The following MYH14 variants were observed in gnomAD, a reference collection of about 807,000 sequenced individuals.
MYH14 encodes the protein myosin heavy chain 14.
Under a neutral mutation model 255.5 loss-of-function variants are expected in MYH14, and 123 were observed. That is an observed-to-expected ratio of 0.48 (90% confidence interval 0.42 to 0.56). The LOEUF (loss-of-function observed/expected upper bound fraction) is 0.56. Among genes scored for constraint, MYH14 ranks in the 20% least tolerant of loss-of-function variants. The pLI, the probability that MYH14 is intolerant of heterozygous loss-of-function variation, is 0.00. For missense variants in MYH14, 2,423 were observed against 2,802.3 expected (o/e 0.86, Z 3.06); for synonymous variants, 1,095 against 1,161.2 (o/e 0.94, Z 1.16).
chr19:50,212,222 G>C (rs75885666), intron 2 of MYH14, among the ~76,000 whole-genome samples: 3 of 152,102 alleles, frequency 2.0e-5, no homozygotes, highest in African/African-American at 7.2e-5. Flanking sequence ...ACTTTCAGTC[G>C]AGCTCTCTGG....
intron 1 of MYH14, among the ~76,000 whole-genome samples, chr19:50,207,818 G>A (rs1354464200): frequency 6.6e-6 from 1 of 152,142 alleles, no homozygotes; most frequent in Non-Finnish European, 1.5e-5. Context: ...TGTACCTTTT[G>A]TCCCCTCTCT....
rs576753168 is a variant in MYH14, at chr19:50,303,387, G to A, written c.5678+1518G>A. 1.2e-4 allele frequency among the ~76,000 whole-genome samples: 19 copies of A among 152,248 alleles called. 1 individual carries two copies. The South Asian group carries it at 1.9e-3, about 15-fold the overall frequency. ...TCCTCCAGGAGGCTAGCCCAGGATTGTTCATATGACAGAGTCAAGGTTCTA... is the reference window on the plus strand; with the variant it reads ...TCCTCCAGGAGGCTAGCCCAGGATTATTCATATGACAGAGTCAAGGTTCTA... On this transcript the variant is annotated intron_variant, in intron 40 of 42. Coordinates refer to ENST00000642316, the MANE Select transcript of MYH14 (RefSeq NM_001145809.2).
chr19:50,216,198 G>A (rs111267497), intron 2 of MYH14, among the ~76,000 whole-genome samples: 30 of 152,212 alleles, frequency 2.0e-4, no homozygotes, highest in African/African-American at 7.0e-4. Flanking sequence ...CCTGAGGCCG[G>A]GTGTGAAGGT....
chr19:50,259,790 A>C (rs533992995), intron 19 of MYH14, among the ~76,000 whole-genome samples: 16 of 152,254 alleles, frequency 1.1e-4, no homozygotes, highest in Admixed American at 6.5e-4. Context: ...AGGCAGGAGA[A>C]TCACTTGAAC....
intron 1 of MYH14, among the ~76,000 whole-genome samples, chr19:50,207,221 C>T (rs2031813155): frequency 7.7e-6 from 1 of 130,610 alleles, no homozygotes; most frequent in African/African-American, 2.9e-5. Flanking sequence ...TAGAGCGAGA[C>T]CTATCTCTAA....
chr19:50,310,205 T>G lies in MYH14; in HGVS notation c.*415T>G. The G allele has an allele frequency of 7.7e-6, 2 of 259,558 alleles. No individual in the cohort carries two copies. The highest frequency in any genetic ancestry group is 1.5e-5 in the Non-Finnish European group (2 of 135,780). 16.1% of individuals were successfully genotyped at this position (259,558 alleles called of 1,614,324 possible). On this transcript the variant is annotated 3_prime_UTR_variant, in exon 43 of 43. Coordinates refer to ENST00000642316, the MANE Select transcript of MYH14 (RefSeq NM_001145809.2). ...TCTCTCTCTCTCTCCCTCCCTCTCC[T>G]TCCCTACCCTCTCACCATCTTTCTT... is the stretch of plus-strand genomic sequence containing the variant.
intron 11 of MYH14, among the ~76,000 whole-genome samples, chr19:50,245,127 A>G (rs2034051219): frequency 6.6e-6 from 1 of 152,140 alleles, no homozygotes; most frequent in South Asian, 2.1e-4. Context: ...ACAGAAAAGT[A>G]GAAAGGAAGA....
intron 36 of MYH14, 32 bp from the exon 37 acceptor site, chr19:50,292,229 C>T: frequency 1.9e-6 from 3 of 1,572,594 alleles, no homozygotes. Context: ...TGTGGCCAGG[C>T]TGAGCCCATC....
Position 50,276,635 on chromosome 19 carries a change from G to T in MYH14, c.3681-122G>T. The T allele has an allele frequency of 2.4e-6, 3 of 1,269,098 alleles. No individual in the cohort carries two copies. The highest frequency in any genetic ancestry group is 3.4e-6 in the Non-Finnish European group (3 of 888,100). The allele number at this position is 1,269,098 out of a possible 1,614,324, so 78.6% of individuals were successfully genotyped here. A position where few individuals can be genotyped will look rare whatever the true frequency, so the allele number is the denominator to read the frequency against. ...AGCATCACCACCCAGATCTCCTGAGGAGCATAACATGAGGCCCTCATATTT... is the reference window on the plus strand; with the variant it reads ...AGCATCACCACCCAGATCTCCTGAGTAGCATAACATGAGGCCCTCATATTT... On this transcript the variant is annotated intron_variant, in intron 28 of 42. Transcript: ENST00000642316. This position sits in a 1 kb window ranked among gnomAD's most constrained non-coding sequence, Gnocchi z 4.3.
In MYH14 at chr19:50,308,991, C is replaced by T. The variant is rs754325712; in HGVS notation, c.5788-14C>T. Reference sequence around the variant, plus strand: ...TACCTGGAGATATAACCCAGTCCCCCTGCTTCCATCAAGCTGGAGAAGGGA... The same window carrying T: ...TACCTGGAGATATAACCCAGTCCCCTTGCTTCCATCAAGCTGGAGAAGGGA... On this transcript the variant is annotated splice_polypyrimidine_tract_variant and intron_variant, in intron 41 of 42. Transcript: ENST00000642316. 6.2e-7 allele frequency: 1 copy of T among 1,602,302 alleles called. No homozygotes were observed. Among genetic ancestry groups the T allele is most frequent in the Admixed American group, 1.7e-5 (1 of 58,346 alleles).
chr19:50,278,412 A>G, intron 30 of MYH14, 123 bp downstream of exon 30: 2 of 698,550 alleles, frequency 2.9e-6, no homozygotes, highest in Middle Eastern at 4.3e-4. Context: ...CAACATAATC[A>G]TGTACAAGTC....
Position 50,250,485 on chromosome 19 carries a change from A to T in MYH14, c.1657-30A>T. ...TGAGTGTCCAATATGTGGGGATCTG[A>T]CTTACTCTCCCCCTGCTGTCAATGG... On this transcript the variant is annotated intron_variant, in intron 14 of 42. Transcript: ENST00000642316. This position sits in a 1 kb window ranked among gnomAD's most constrained non-coding sequence, Gnocchi z 5.4. 6.2e-7 allele frequency: 1 copy of T among 1,603,646 alleles called. No homozygotes were observed. The highest frequency in any genetic ancestry group is 8.5e-7 in the Non-Finnish European group (1 of 1,174,716).
At position 50,301,777 on chromosome 19, in the gene MYH14, G is replaced by A. The variant is rs2036489847; in HGVS notation, c.5586G>A (p.Glu1862=). The A allele has an allele frequency of 6.2e-7, 1 of 1,613,924 alleles. No individual in the cohort carries two copies. Among genetic ancestry groups the A allele is most frequent in the South Asian group, 1.1e-5 (1 of 91,084 alleles). Residue 1862 remains glutamate, a synonymous_variant, in exon 40 of 43, where the codon GAG becomes GAA. Transcript: ENST00000642316. ...AGCTACGGGGACGCCTGGGTGAGGA[G>A]GATGCTGGGGCCCGTGCCCGCCACA... ...IQELRGRLGE[E]DAGARARHKM...
At chr19:50,271,705 G>A in intron 25 of MYH14, 144 bp from the exon 26 acceptor site, 3 of 1,448,798 alleles carry the variant, frequency 2.1e-6, no homozygotes, top group Non-Finnish European at 2.8e-6. Flanking sequence ...GGGAAGGAGA[G>A]GGAGGTGTAG....
At position 50,258,732 on chromosome 19, in the gene MYH14, A is replaced by C. The variant is rs4802678; in HGVS notation, c.2233-412A>C. ...GCAAGACTCTGTCTCAAAAAAAAAA[A>C]AAAAAAAAAAAACGAACAAACAAAC... On this transcript the variant is annotated intron_variant, in intron 18 of 42. Transcript: ENST00000642316. 8.3e-4 allele frequency: 79 copies of C among 95,174 alleles called. 1 individual carries two copies. Among genetic ancestry groups the C allele is most frequent in the Non-Finnish European group, 1.3e-3 (61 of 46,994 alleles). The allele number at this position is 95,174 out of a possible 1,614,324, so 5.9% of individuals were successfully genotyped here. A position where few individuals can be genotyped will look rare whatever the true frequency, so the allele number is the denominator to read the frequency against.
At chr19:50,261,765 C>G in intron 21 of MYH14, 130 bp downstream of exon 21, 1 of 761,944 alleles carries the variant, frequency 1.3e-6, no homozygotes, top group Non-Finnish European at 1.9e-6. Context: ...ATGGAGGTGC[C>G]GGGTGTCCAG....
intron 13 of MYH14, 155 bp downstream of exon 13, chr19:50,249,294 T>C (rs1267154527): frequency 3.3e-5 from 29 of 888,164 alleles, no homozygotes; most frequent in African/African-American, 8.7e-5. Context: ...TCCCCCTCTC[T>C]CTGGGTCTCT....
chr19:50,281,767 C>A lies in MYH14; in HGVS notation c.4464C>A (p.Asp1488Glu). Residue 1488 changes from aspartate (D) to glutamate (E), a missense_variant, in exon 33 of 43, where the codon GAC becomes GAA. By Grantham distance (45) the Asp-to-Glu change is conservative (BLOSUM62 2). Coordinates refer to ENST00000642316, the MANE Select transcript of MYH14 (RefSeq NM_001145809.2). Reference protein sequence around the residue: ...RGRRRLQQELDDATMDLEQQR... With the variant: ...RGRRRLQQELEDATMDLEQQR... ...GCCGCCGGCTGCAGCAGGAGCTGGA[C>A]GACGCCACCATGGACCTGGAGCAGC... 6.2e-7 allele frequency: 1 copy of A among 1,612,490 alleles called. No individual in the cohort carries two copies. The highest frequency in any genetic ancestry group is 1.1e-5 in the South Asian group (1 of 91,028).
chr19:50,286,685 C>A lies in MYH14; in HGVS notation c.4743C>A (p.Val1581=). Residue 1581 remains valine (V), a synonymous_variant, in exon 34 of 43, where the codon GTC becomes GTA. Coordinates refer to ENST00000642316, the MANE Select transcript of MYH14 (RefSeq NM_001145809.2). ...LEALLSSKDD[V]GKSVHELERA... ...CACTGCTGAGCAGCAAGGATGACGT[C>A]GGCAAGAGCGTGAGCAGGGCCCCCG... The A allele has an allele frequency of 2.5e-6, 4 of 1,571,558 alleles. No individual in the cohort carries two copies. Among genetic ancestry groups the A allele is most frequent in the Non-Finnish European group, 3.4e-6 (4 of 1,159,888 alleles).
Sources: gnomAD v4.1 joint callset for allele counts (sites outside exome capture counted in the v4.1 genomes callset) on GRCh38, gnomAD v4.1.1 for gene constraint, Gnocchi (gnomAD v3.1) non-coding constraint, MANE v1.5 for transcripts, NCBI Gene and HGNC (gene_info 2026-07-23, HGNC 2026-07-21) for gene names.